The following ZNF516 variants were observed in gnomAD, a reference collection of about 807,000 sequenced individuals.
The protein encoded by ZNF516 is zinc finger protein 516.
A neutral mutation model predicts 79.7 loss-of-function variants in ZNF516; 19 were observed. The ratio of observed to expected loss-of-function variants is 0.24; its 90% CI spans 0.17 to 0.35. ZNF516 has a LOEUF of 0.35. Among genes scored for constraint, ZNF516 ranks in the 10% least tolerant of loss-of-function variants. ZNF516 has a pLI of 1.00. For synonymous variants in ZNF516, 877 were observed against 739.5 expected, an observed-to-expected ratio of 1.19 and a Z score of -3.02; for missense variants, 1,678 against 1,679.5, an observed-to-expected ratio of 1.00 and a Z score of 0.02.
At chr18:76,363,878 C>G (rs577483569) in intron 6 of ZNF516, among the ~76,000 whole-genome samples, 1 of 152,330 alleles carries the variant, frequency 6.6e-6, no homozygotes, top group African/African-American at 2.4e-5. Flanking sequence ...GCATAGCAAA[C>G]ATAGACGTCA....
Position 76,401,765 on chromosome 18 carries a change from G to GCCGCACCC in ZNF516, c.1811-21463_1811-21462insGGGTGCGG, listed in dbSNP as rs1568261813. Among the ~76,000 whole-genome samples the GCCGCACCC allele has an allele frequency of 2.7e-4, 39 of 143,694 alleles. 2 individuals are homozygous for GCCGCACCC. Among genetic ancestry groups the GCCGCACCC allele is most frequent in the African/African-American group, 6.3e-4 (25 of 39,990 alleles). The allele number at this position is 143,694 out of a possible 152,430, so 94.3% of individuals were successfully genotyped here. ...TCTCCACCACCAACCACACCCCCGC[G>GCCGCACCC]CTCCATCTCTCCACCAACCACACCC... On this transcript the variant is annotated intron_variant, in intron 3 of 6. Transcript: ENST00000443185.
At position 76,379,736 on chromosome 18, in the gene ZNF516, G is replaced by A. The variant is rs368259098; in HGVS notation, c.2378C>T (p.Pro793Leu). ...HRVSCNSVAP[P>L]WIQPNGYKSI... is the part of the protein sequence containing the mutation. ...TTTGTAACCATTGGGCTGAATCCAC[G>A]GGGGAGCCACGGAGTTGCAGCTGAC... is the stretch of plus-strand genomic sequence containing the variant. The change falls in exon 4 of 7, where the codon CCG becomes CTG. Residue 793 changes from proline (P) to leucine (L), a missense_variant. This residue lies in a region of ZNF516 where 1,294 missense variants were observed against 1,248.3 expected (regional missense o/e 1.04). Transcript: ENST00000443185. 1.7e-5 allele frequency: 28 copies of A among 1,613,738 alleles called. No individual in the cohort carries two copies. The Middle Eastern group carries it at 6.6e-4, about 38-fold the overall frequency.
At position 76,461,266 on chromosome 18, in the gene ZNF516, G is replaced by A. The variant is rs12957967; in HGVS notation, c.-158+1762C>T. Among the ~76,000 whole-genome samples the A allele has an allele frequency of 5.3e-3, 814 of 152,308 alleles. 3 individuals carry two copies. The highest frequency in any genetic ancestry group is 7.8e-3 in the Non-Finnish European group (532 of 68,032). ...AAACCAAGCTCCTCCTGGACACTCC[G>A]TCATCACTGCACACTGACCATGTAA... On this transcript the variant is annotated intron_variant, in intron 2 of 6. Coordinates refer to ENST00000443185, the MANE Select transcript of ZNF516 (RefSeq NM_014643.4).
intron 3 of ZNF516, among the ~76,000 whole-genome samples, chr18:76,390,371 C>T (rs2075053336): frequency 1.3e-5 from 2 of 152,322 alleles, no homozygotes; most frequent in Non-Finnish European, 1.5e-5. Flanking sequence ...AGCCCCATGG[C>T]ACACCTGTGT....
intron 3 of ZNF516, among the ~76,000 whole-genome samples, chr18:76,404,381 G>T (rs77878087): frequency 6.6e-6 from 1 of 152,048 alleles, no homozygotes; most frequent in Non-Finnish European, 1.5e-5. Context: ...GTGTGTGAAC[G>T]GCAGTTTTAG....
intron 2 of ZNF516, among the ~76,000 whole-genome samples, chr18:76,447,968 T>C (rs1480559477): frequency 3.3e-5 from 5 of 152,224 alleles, no homozygotes; most frequent in East Asian, 1.9e-4. Flanking sequence ...AAATGCCTTA[T>C]ATAATTTTTG....
chr18:76,475,807 A>C (rs1914140965), intron 1 of ZNF516, among the ~76,000 whole-genome samples: 1 of 152,256 alleles, frequency 6.6e-6, no homozygotes, highest in South Asian at 2.1e-4. Context: ...CAAAATTAAA[A>C]AAAAATTAGT....
At chr18:76,374,001 C>T (rs2074747903) in intron 4 of ZNF516, among the ~76,000 whole-genome samples, 1 of 152,190 alleles carries the variant, frequency 6.6e-6, no homozygotes, top group Admixed American at 6.5e-5. Flanking sequence ...AAGGCCTGGC[C>T]AACTTCAGAG....
At chr18:76,495,025 C>G (rs1425242051) in intron 1 of ZNF516, 119 bp downstream of exon 1, 6 of 149,564 alleles carry the variant, frequency 4.0e-5, no homozygotes, top group Non-Finnish European at 9.0e-5. Context: ...CCCAGCGCCT[C>G]CCCCCCTACC....
chr18:76,436,646 T>C (rs2075741199), intron 3 of ZNF516, among the ~76,000 whole-genome samples: 1 of 152,110 alleles, frequency 6.6e-6, no homozygotes, highest in African/African-American at 2.4e-5. Flanking sequence ...TTAGAAGAAG[T>C]ACCATATAAA....
intron 3 of ZNF516, among the ~76,000 whole-genome samples, chr18:76,418,098 C>T (rs182453541): frequency 4.6e-5 from 7 of 152,366 alleles, no homozygotes; most frequent in Non-Finnish European, 8.8e-5. Context: ...TCAACACACA[C>T]TGTAACAGAC....
intron 5 of ZNF516, among the ~76,000 whole-genome samples, chr18:76,371,199 G>A (rs577749325): frequency 6.6e-6 from 1 of 152,332 alleles, no homozygotes; most frequent in South Asian, 2.1e-4. Flanking sequence ...CATTTCTGAG[G>A]AGTCAGTTAC....
chr18:76,445,047 G>C (rs1911958733), intron 2 of ZNF516, among the ~76,000 whole-genome samples: 1 of 152,130 alleles, frequency 6.6e-6, no homozygotes, highest in African/African-American at 2.4e-5. Context: ...AACAGAGCGG[G>C]CATGAGAGAG....
chr18:76,491,385 T>C, intron 1 of ZNF516, among the ~76,000 whole-genome samples: 2 of 91,432 alleles, frequency 2.2e-5, no homozygotes, highest in Admixed American at 1.0e-4. Flanking sequence ...CGGGCCTCGC[T>C]CCCGCCCCCG....
At chr18:76,405,465 G>A (rs1280518857) in intron 3 of ZNF516, among the ~76,000 whole-genome samples, 2 of 152,282 alleles carry the variant, frequency 1.3e-5, no homozygotes, top group East Asian at 3.9e-4. Flanking sequence ...ACTCCGCAGT[G>A]CATCAGCATG....
chr18:76,440,761 T>TGTGTGTGCGTGTGTGCGC (rs571461431), intron 3 of ZNF516, among the ~76,000 whole-genome samples: 62 of 150,244 alleles, frequency 4.1e-4, no homozygotes, highest in African/African-American at 1.5e-3. Context: ...TGTGTGTGTG[T>TGTGTGTGCGTGTGTGCGC]GCGCGCACGC....
At chr18:76,373,310 G>T (rs1205303126) in intron 4 of ZNF516, among the ~76,000 whole-genome samples, 1 of 151,364 alleles carries the variant, frequency 6.6e-6, no homozygotes, top group Non-Finnish European at 1.5e-5. Context: ...GGAAAGAGAA[G>T]GGGAGAAAGA....
chr18:76,404,144 G>A (rs752833160), intron 3 of ZNF516, among the ~76,000 whole-genome samples: 7 of 152,250 alleles, frequency 4.6e-5, no homozygotes, highest in Non-Finnish European at 7.3e-5. Flanking sequence ...TTGCTGAAAA[G>A]TCACCAATCT....
chr18:76,434,287 T>C (rs1020172830), intron 3 of ZNF516, among the ~76,000 whole-genome samples: 16 of 152,164 alleles, frequency 1.1e-4, no homozygotes, highest in Admixed American at 1.3e-4. Flanking sequence ...CGCCACTTCT[T>C]CACGACACAG....
Sources: allele counts gnomAD v4.1 joint callset (sites outside exome capture counted in the v4.1 genomes callset), GRCh38; gene constraint gnomAD v4.1.1; regional missense constraint gnomAD v4.1.1; transcripts MANE v1.5; gene names NCBI Gene and HGNC (gene_info 2026-07-23, HGNC 2026-07-21).